CPVL: variants seen among roughly 807,000 people sequenced by gnomAD.
CPVL encodes carboxypeptidase vitellogenic like.
In CPVL, 51 loss-of-function variants were observed where a neutral mutation model predicts 63.7. The ratio of observed to expected loss-of-function variants is 0.80; its 90% CI spans 0.64 to 1.01. The LOEUF (loss-of-function observed/expected upper bound fraction) is 1.01, where lower values mean the gene tolerates loss of function less well. Among genes scored for constraint, CPVL ranks in the 50% least tolerant of loss-of-function variants. The probability of loss-of-function intolerance (pLI) is 0.00; values close to 1 mark genes in which losing one functional copy is unlikely to be tolerated. For synonymous variants in CPVL, 195 were observed against 206.0 expected (o/e 0.95, Z 0.46); for missense variants, 530 against 573.1 (o/e 0.92, Z 0.77).
At chr7:29,157,262 A>G (rs947350707) in intron 5 of CPVL, among the ~76,000 whole-genome samples, 1 of 142,960 alleles carries the variant, frequency 7.0e-6, no homozygotes, top group Non-Finnish European at 1.5e-5. Context: ...CCCCTCCCCC[A>G]CCCTGCTACA....
At chr7:29,099,311 G>A (rs1249887311) in intron 3 of CPVL, among the ~76,000 whole-genome samples, 3 of 152,056 alleles carry the variant, frequency 2.0e-5, no homozygotes, top group East Asian at 3.9e-4. Flanking sequence ...TTTTATTCTC[G>A]CTCCTGTAGC....
At chr7:29,028,427 G>A (rs1302701519) in intron 12 of CPVL, among the ~76,000 whole-genome samples, 1 of 152,174 alleles carries the variant, frequency 6.6e-6, no homozygotes, top group Non-Finnish European at 1.5e-5. Context: ...GGACACTGGT[G>A]TAGGTAAAGC....
At chr7:29,057,858 C>T (rs1297971065) in intron 11 of CPVL, among the ~76,000 whole-genome samples, 2 of 152,108 alleles carry the variant, frequency 1.3e-5, no homozygotes, top group Non-Finnish European at 2.9e-5. Flanking sequence ...AGTCCATCAA[C>T]CTATTTGCCT....
At chr7:29,156,277 A>G (rs898320007) in intron 5 of CPVL, among the ~76,000 whole-genome samples, 13 of 152,284 alleles carry the variant, frequency 8.5e-5, no homozygotes, top group Admixed American at 7.2e-4. Flanking sequence ...ACATCTTAGT[A>G]TTGGGATCTG....
At chr7:29,049,509 T>G (rs1789942137) in intron 11 of CPVL, among the ~76,000 whole-genome samples, 1 of 152,096 alleles carries the variant, frequency 6.6e-6, no homozygotes, top group Non-Finnish European at 1.5e-5. Context: ...GCAGCGAGAT[T>G]GAAATGGTAA....
chr7:29,087,790 A>G (rs915579250), intron 6 of CPVL, among the ~76,000 whole-genome samples: 1 of 152,208 alleles, frequency 6.6e-6, no homozygotes, highest in Admixed American at 6.5e-5. Context: ...AATCACCATG[A>G]TCCTAGCTAT....
intron 1 of CPVL, among the ~76,000 whole-genome samples, chr7:29,131,717 T>G (rs10272318): frequency 0.069 from 10,458 of 152,280 alleles, 420 homozygotes; most frequent in African/African-American, 0.097. Context: ...TTTGCCATGT[T>G]GGCCAGGCTG....
chr7:29,149,368 A>G (rs886790606), upstream of CPVL, among the ~76,000 whole-genome samples: 4 of 151,480 alleles, frequency 2.6e-5, no homozygotes, highest in Non-Finnish European at 4.4e-5. Context: ...AATTTTTTGT[A>G]TTTGTAGTAG....
At chr7:29,044,758 G>A (rs1272734049) in intron 11 of CPVL, among the ~76,000 whole-genome samples, 1 of 152,122 alleles carries the variant, frequency 6.6e-6, no homozygotes, top group South Asian at 2.1e-4. Context: ...GGATGTAATC[G>A]CCTGTGTTTC....
chr7:29,026,787 C>T (rs185985853), intron 12 of CPVL, among the ~76,000 whole-genome samples: 347 of 151,988 alleles, frequency 2.3e-3, no homozygotes, highest in Non-Finnish European at 4.0e-3. Flanking sequence ...CAAGATTGAA[C>T]CAGGAAGATA....
chr7:29,119,435 C>T (rs1213894099), intron 2 of CPVL, among the ~76,000 whole-genome samples: 6 of 149,104 alleles, frequency 4.0e-5, no homozygotes, highest in Non-Finnish European at 7.4e-5. Flanking sequence ...CGCAGTGAGC[C>T]GAGGCTGCAC....
chr7:28,996,186 G>A (rs771770967), intron 12 of CPVL: 2 of 250,264 alleles, frequency 8.0e-6, no homozygotes, highest in East Asian at 1.2e-4. Context: ...CCTGCTCCCC[G>A]CAGTTGAGAG....
Position 29,064,158 on chromosome 7 carries a change from T to C in CPVL, c.1040A>G (p.Gln347Arg). Residue 347 changes from glutamine (Q) to arginine (R), a missense_variant, in exon 11 of 13, where the codon CAG (glutamine) becomes CGG (arginine). Physicochemically the swap from Gln to Arg is conservative, Grantham distance 43 (BLOSUM62 1). Coordinates refer to ENST00000265394, the MANE Select transcript of CPVL (RefSeq NM_031311.5). ...EVRQAIHVGNQTFNDGTIVEK... is the reference protein window; with the variant it reads ...EVRQAIHVGNRTFNDGTIVEK... Reference sequence around the variant, plus strand: ...AACTATAGTTCCATCATTAAAAGTCTGATTCCCCACGTGGATGGCTTGTCT... The same window carrying C: ...AACTATAGTTCCATCATTAAAAGTCCGATTCCCCACGTGGATGGCTTGTCT... The C allele has an allele frequency of 6.2e-7, 1 of 1,612,830 alleles. No individual in the cohort carries two copies. The highest frequency in any genetic ancestry group is 8.5e-7 in the Non-Finnish European group (1 of 1,178,774).
At chr7:29,137,720 T>C (rs1562787838) in intron 1 of CPVL, among the ~76,000 whole-genome samples, 1 of 152,226 alleles carries the variant, frequency 6.6e-6, no homozygotes, top group African/African-American at 2.4e-5. Context: ...ACTCCTGTAC[T>C]CTCACTATCT....
chr7:29,110,511 G>A (rs1399294238), intron 3 of CPVL, among the ~76,000 whole-genome samples: 3 of 152,198 alleles, frequency 2.0e-5, no homozygotes, highest in Non-Finnish European at 2.9e-5. Context: ...TGGTAATTCT[G>A]CAACCTGCTG....
chr7:29,139,767 C>T (rs1323190480), intron 1 of CPVL, among the ~76,000 whole-genome samples: 1 of 152,114 alleles, frequency 6.6e-6, no homozygotes, highest in Non-Finnish European at 1.5e-5. Flanking sequence ...TGTGTCCCAA[C>T]GGCACAGGCG....
At chr7:29,073,215 C>T (rs1417166864) in intron 7 of CPVL, among the ~76,000 whole-genome samples, 5 of 152,164 alleles carry the variant, frequency 3.3e-5, no homozygotes, top group Non-Finnish European at 4.4e-5. Context: ...CTGTTTCTCC[C>T]CTGCTCAGGC....
chr7:29,174,290 C>G (rs780172723), intron 5 of CPVL, among the ~76,000 whole-genome samples: 7 of 152,258 alleles, frequency 4.6e-5, no homozygotes, highest in Non-Finnish European at 1.0e-4. Flanking sequence ...CCAGCAATCC[C>G]GTCTTTCCAT....
intron 3 of CPVL, among the ~76,000 whole-genome samples, chr7:29,105,899 A>G (rs34366786): frequency 6.6e-6 from 1 of 152,222 alleles, no homozygotes; most frequent in Admixed American, 6.5e-5. Context: ...ATTCATTATT[A>G]CAGAGAACTA....
Sources: gnomAD v4.1 joint callset for allele counts (sites outside exome capture counted in the v4.1 genomes callset) on GRCh38, gnomAD v4.1.1 for gene constraint, MANE v1.5 for transcripts, NCBI Gene and HGNC (gene_info 2026-07-23, HGNC 2026-07-21) for gene names.